SEMA6A: variants seen among roughly 807,000 people sequenced by gnomAD.
SEMA6A encodes semaphorin-6A.
Under a neutral mutation model 96.8 loss-of-function variants are expected in SEMA6A, and 25 were observed. That is an observed-to-expected ratio of 0.26 (90% CI 0.19 to 0.36). The LOEUF (loss-of-function observed/expected upper bound fraction) is 0.36, where lower values mean the gene tolerates loss of function less well. SEMA6A is among the 10% of genes least tolerant of loss of function. SEMA6A has a pLI of 1.00. For missense variants in SEMA6A, 1,363 were observed against 1,323.1 expected, an observed-to-expected ratio of 1.03 and a Z score of -0.47; for synonymous variants, 612 against 518.0, an observed-to-expected ratio of 1.18 and a Z score of -2.46.
At position 116,447,631 on chromosome 5, in the gene SEMA6A, G is replaced by A. The variant is rs1194027871; in HGVS notation, c.2075C>T (p.Thr692Ile). 6.2e-7 allele frequency: 1 copy of A among 1,614,040 alleles called. No homozygotes were observed. The highest frequency in any genetic ancestry group is 1.1e-5 in the South Asian group (1 of 91,088). The change falls in exon 19 of 19, where the codon ACC becomes ATC. Residue 692 changes from threonine (T) to isoleucine (I), a missense_variant. Thr to Ile is a moderately conservative substitution (Grantham distance 89). Transcript: ENST00000343348. ...GCTCATGGAGCCCCGGCGCGAGTGG[G>A]TGAGCTCCTTCTCCTTGCGCTGCAC... ...AVVQRKEKEL[T>I]HSRRGSMSSV...
chr5:116,493,339 GTAAAT>G (rs538480069), intron 6 of SEMA6A, among the ~76,000 whole-genome samples: 362 of 152,270 alleles, frequency 2.4e-3, no homozygotes, highest in African/African-American at 8.0e-3. Context: ...ATATTAAGTG[GTAAAT>G]TAAAGTTGAA....
At chr5:116,480,544 T>C (rs1756702443) in intron 11 of SEMA6A, among the ~76,000 whole-genome samples, 1 of 151,896 alleles carries the variant, frequency 6.6e-6, no homozygotes, top group African/African-American at 2.4e-5. Flanking sequence ...CAAACAAACC[T>C]CAGTAAACAG....
chr5:116,445,140 C>G lies in SEMA6A; in HGVS notation c.*1473G>C, dbSNP rs1296440593. On this transcript the variant is annotated 3_prime_UTR_variant, in exon 19 of 19. Transcript: ENST00000343348. ...GCGTTCTCAGGCTGTCGCATGACAA[C>G]TATCACCACTGCATTCTTCCATCTG... 1 of 152,662 alleles carries G rather than the reference C, an allele frequency of 6.6e-6. No individual in the cohort carries two copies. Among genetic ancestry groups the G allele is most frequent in the Non-Finnish European group, 1.5e-5 (1 of 68,064 alleles). 9.5% of individuals were successfully genotyped at this position (152,662 alleles called of 1,614,324 possible). A position where few individuals can be genotyped will look rare whatever the true frequency, so the allele number is the denominator to read the frequency against.
rs567319478 is a variant in SEMA6A, at chr5:116,513,100, T to G, written c.-38-8118A>C. Among the ~76,000 whole-genome samples the G allele has an allele frequency of 5.5e-4, 84 of 152,124 alleles. No individual in the cohort carries two copies. In the South Asian group the frequency reaches 5.6e-3, roughly 10 times the overall value. On this transcript the variant is annotated intron_variant, in intron 1 of 18. Transcript: ENST00000343348. ...TGCATAATAATCACATCAGGGTAAA[T>G]GGGGCTATCCATTATAAAGGCAGCT...
At chr5:116,503,418 C>G (rs751708889) in intron 2 of SEMA6A, among the ~76,000 whole-genome samples, 4 of 152,084 alleles carry the variant, frequency 2.6e-5, no homozygotes, top group Non-Finnish European at 4.4e-5. Flanking sequence ...ACCCATTCAT[C>G]AAGGAGATTG....
intron 18 of SEMA6A, among the ~76,000 whole-genome samples, chr5:116,466,573 G>A (rs1169621262): frequency 1.3e-4 from 20 of 152,150 alleles, no homozygotes; most frequent in Non-Finnish European, 5.9e-5. Context: ...AGATGAAAAT[G>A]TAGCCTGAGA....
At chr5:116,546,373 T>C (rs2112874412) in intron 1 of SEMA6A, among the ~76,000 whole-genome samples, 1 of 152,364 alleles carries the variant, frequency 6.6e-6, no homozygotes, top group East Asian at 1.9e-4. Flanking sequence ...GTTAGCTCAC[T>C]AGCTAAAAAG....
chr5:116,524,771 TAC>T (rs905399420), intron 1 of SEMA6A, among the ~76,000 whole-genome samples: 12 of 19,068 alleles, frequency 6.3e-4, no homozygotes, highest in African/African-American at 1.1e-3. Flanking sequence ...TGGGTATGTA[TAC>T]ACACACACAC....
intron 1 of SEMA6A, among the ~76,000 whole-genome samples, chr5:116,538,645 A>G (rs1561525430): frequency 6.6e-6 from 1 of 152,168 alleles, no homozygotes; most frequent in East Asian, 1.9e-4. Context: ...TAAACTCATT[A>G]TACATTTGTT....
intron 1 of SEMA6A, among the ~76,000 whole-genome samples, chr5:116,551,331 C>CACACACACACAG (rs1331978927): frequency 6.6e-6 from 1 of 151,490 alleles, no homozygotes; most frequent in Non-Finnish European, 1.5e-5. Flanking sequence ...CACACACACA[C>CACACACACACAG]ACACACACAC....
chr5:116,559,425 C>T (rs573074006), intron 1 of SEMA6A, among the ~76,000 whole-genome samples: 1 of 152,308 alleles, frequency 6.6e-6, no homozygotes, highest in South Asian at 2.1e-4. Flanking sequence ...GTAGCAGTTA[C>T]AGTCAGACTG....
intron 1 of SEMA6A, among the ~76,000 whole-genome samples, chr5:116,527,489 A>G (rs140773149): frequency 2.0e-5 from 3 of 152,294 alleles, no homozygotes; most frequent in Admixed American, 1.3e-4. Context: ...TTTCAAAACA[A>G]TGATCTTTTA....
At chr5:116,564,892 T>C (rs1477039461) in intron 1 of SEMA6A, among the ~76,000 whole-genome samples, 1 of 152,180 alleles carries the variant, frequency 6.6e-6, no homozygotes, top group Non-Finnish European at 1.5e-5. Context: ...AGGTTAAACC[T>C]GAAGTAAAGC....
chr5:116,543,319 A>G (rs1760053824), intron 1 of SEMA6A, among the ~76,000 whole-genome samples: 2 of 152,320 alleles, frequency 1.3e-5, no homozygotes, highest in Admixed American at 6.5e-5. Flanking sequence ...AGTTCAGAAA[A>G]GGTTCTCTCC....
chr5:116,522,093 A>AT (rs1194138229), intron 1 of SEMA6A, among the ~76,000 whole-genome samples: 8 of 152,126 alleles, frequency 5.3e-5, no homozygotes, highest in Non-Finnish European at 8.8e-5. Flanking sequence ...AGATTGACTG[A>AT]TTTTTTAAAG....
At chr5:116,572,691 C>T (rs1036275487) in intron 1 of SEMA6A, among the ~76,000 whole-genome samples, 3 of 152,334 alleles carry the variant, frequency 2.0e-5, no homozygotes, top group Admixed American at 2.0e-4. Context: ...CTTCCCCATT[C>T]ATCCCTTCCC....
chr5:116,536,220 A>G lies in SEMA6A; in HGVS notation c.-38-31238T>C, dbSNP rs186631540. The stretch of plus-strand genomic sequence containing the variant: ...CATTCCCACCCCCTGTTGGAATTGG[A>G]TTAGCCTTCTGGTATTATTTTAAGA... On this transcript the variant is annotated intron_variant, in intron 1 of 18. Coordinates refer to ENST00000343348, the MANE Select transcript of SEMA6A (RefSeq NM_020796.5). The G allele has an allele frequency of 2.0e-5, 3 of 152,192 alleles. No homozygotes were observed. The East Asian group carries it at 5.8e-4, about 29-fold the overall frequency. 9.4% of individuals were successfully genotyped at this position (152,192 alleles called of 1,614,324 possible). A position where few individuals can be genotyped will look rare whatever the true frequency, so the allele number is the denominator to read the frequency against.
intron 1 of SEMA6A, among the ~76,000 whole-genome samples, chr5:116,545,809 C>G (rs1279411062): frequency 6.6e-6 from 1 of 152,152 alleles, no homozygotes; most frequent in Non-Finnish European, 1.5e-5. Flanking sequence ...CCAATCTAGT[C>G]TTTGGATGAA....
intron 12 of SEMA6A, 82 bp from the exon 13 acceptor site, chr5:116,478,800 C>G (rs40102): frequency 0.39 from 534,436 of 1,360,562 alleles, 111,533 homozygotes; most frequent in Non-Finnish European, 0.43. Flanking sequence ...ACAGCTGCGA[C>G]ATAGCCTTCT....
Sources: gnomAD v4.1 joint callset for allele counts (sites outside exome capture counted in the v4.1 genomes callset) on GRCh38, gnomAD v4.1.1 for gene constraint, MANE v1.5 for transcripts, NCBI Gene and HGNC (gene_info 2026-07-23, HGNC 2026-07-21) for gene names.